The following GALNT10 variants were observed in gnomAD, a reference collection of about 807,000 sequenced individuals.
GALNT10 encodes GalNAc transferase 10.
Under a neutral mutation model 75.0 loss-of-function variants are expected in GALNT10, and 41 were observed. The observed-to-expected ratio is 0.55, with a 90% CI of 0.43 to 0.71. GALNT10 has a LOEUF of 0.71. Among genes scored for constraint, GALNT10 ranks in the 30% least tolerant of loss-of-function variants. The probability of loss-of-function intolerance (pLI) is 0.00; values close to 1 mark genes in which losing one functional copy is unlikely to be tolerated. For synonymous variants in GALNT10, 302 were observed against 313.0 expected, an observed-to-expected ratio of 0.96 and a Z score of 0.37; for missense variants, 727 against 818.5, an observed-to-expected ratio of 0.89 and a Z score of 1.36.
chr5:154,208,285 T>C (rs1775140451), intron 1 of GALNT10, among the ~76,000 whole-genome samples: 1 of 152,082 alleles, frequency 6.6e-6, no homozygotes, highest in Non-Finnish European at 1.5e-5. Context: ...ATGCATGCCA[T>C]AGGTGGAGTG....
Position 154,412,823 on chromosome 5 carries a change from TG to T in GALNT10, c.1387-64del. The T allele has an allele frequency of 9.3e-7, 1 of 1,074,070 alleles. No homozygotes were observed. The highest frequency in any genetic ancestry group is 1.4e-6 in the Non-Finnish European group (1 of 690,408). The allele number at this position is 1,074,070 out of a possible 1,614,324, so 66.5% of individuals were successfully genotyped here. On this transcript the variant is annotated intron_variant, in intron 9 of 11. Coordinates refer to ENST00000297107, the MANE Select transcript of GALNT10 (RefSeq NM_198321.4). This position sits in a 1 kb window ranked among gnomAD's most constrained non-coding sequence, Gnocchi z 4.2. ...CTCCCACTTGGTTTCCCCTTTCACC[TG>T]GCAGGGACCCGGTGGGCACCTTAAG...
Position 154,412,939 on chromosome 5 carries a change from G to C in GALNT10, c.1437G>C (p.Leu479Phe). 2 of 1,613,790 alleles carry C rather than the reference G, an allele frequency of 1.2e-6. No homozygotes were observed. The highest frequency in any genetic ancestry group is 1.7e-6 in the Non-Finnish European group (2 of 1,179,866). ...GLCADTKHGA[L>F]GSPLRLEGCV... ...GTGCAGACACAAAGCACGGGGCCTT[G>C]GGCTCCCCACTAAGGCTAGAGGGCT... The change falls in exon 10 of 12, where the codon TTG becomes TTC. Residue 479 changes from leucine (L) to phenylalanine (F), a missense_variant. Physicochemically the swap from Leu to Phe is conservative, Grantham distance 22. Transcript: ENST00000297107. The surrounding 1 kb of genome is among the most constrained non-coding windows in gnomAD (Gnocchi z 4.2).
chr5:154,359,728 C>T (rs1337605024), intron 4 of GALNT10, among the ~76,000 whole-genome samples: 1 of 151,426 alleles, frequency 6.6e-6, no homozygotes, highest in East Asian at 1.9e-4. Flanking sequence ...AAAAGTAGAG[C>T]TGGAGGCCTG....
intron 8 of GALNT10, chr5:154,405,984 A>G (rs1201605583): frequency 6.6e-6 from 1 of 151,808 alleles, no homozygotes; most frequent in Non-Finnish European, 1.5e-5. Context: ...CTGTAGTAAT[A>G]CTTATAAAAA....
At chr5:154,369,979 C>A (rs186286738) in intron 4 of GALNT10, among the ~76,000 whole-genome samples, 16 of 152,354 alleles carry the variant, frequency 1.1e-4, no homozygotes, top group Non-Finnish European at 1.5e-5. Flanking sequence ...AGTGCTGTTT[C>A]TGCAAGGCTC....
At chr5:154,413,860 C>A (rs1315101299) in intron 10 of GALNT10, among the ~76,000 whole-genome samples, 1 of 151,924 alleles carries the variant, frequency 6.6e-6, no homozygotes, top group East Asian at 1.9e-4. Flanking sequence ...AAAAGCAATC[C>A]ACAGATGGGA....
intron 1 of GALNT10, among the ~76,000 whole-genome samples, chr5:154,216,388 G>C (rs1271893127): frequency 1.3e-5 from 2 of 152,062 alleles, no homozygotes; most frequent in Non-Finnish European, 2.9e-5. Context: ...TTAAAAAAAT[G>C]TATCTACTTA....
intron 1 of GALNT10, among the ~76,000 whole-genome samples, chr5:154,293,613 A>ATATTTTTTTTTT: frequency 9.1e-6 from 1 of 109,360 alleles, no homozygotes; most frequent in Non-Finnish European, 1.9e-5. Flanking sequence ...ATATATATAT[A>ATATTTTTTTTTT]TTTTTTTTTT....
At chr5:154,354,831 T>C in intron 4 of GALNT10, among the ~76,000 whole-genome samples, 1 of 152,330 alleles carries the variant, frequency 6.6e-6, no homozygotes, top group Admixed American at 6.5e-5. Context: ...GTAGCTCTTA[T>C]AGCCCCAGGC....
chr5:154,306,037 A>C (rs1460981198), intron 3 of GALNT10, among the ~76,000 whole-genome samples: 1 of 152,136 alleles, frequency 6.6e-6, no homozygotes, highest in African/African-American at 2.4e-5. Flanking sequence ...CAACAACAAC[A>C]AACTATAAGG....
chr5:154,314,365 T>C (rs1162833937), intron 3 of GALNT10, among the ~76,000 whole-genome samples: 1 of 152,140 alleles, frequency 6.6e-6, no homozygotes, highest in Non-Finnish European at 1.5e-5. Context: ...ATTCTTACCC[T>C]TGGACCAAGG....
chr5:154,219,623 TAGTCCTCCAG>T (rs1284904464), intron 1 of GALNT10: 1 of 152,228 alleles, frequency 6.6e-6, no homozygotes, highest in Non-Finnish European at 1.5e-5. Flanking sequence ...GGTGCCACCT[TAGTCCTCCAG>T]ATTCAGCATT....
intron 1 of GALNT10, among the ~76,000 whole-genome samples, chr5:154,261,412 A>G (rs1422994493): frequency 6.6e-6 from 1 of 152,142 alleles, no homozygotes; most frequent in Admixed American, 6.6e-5. Flanking sequence ...TGTTACTCAA[A>G]CCCTAAGATC....
intron 1 of GALNT10, among the ~76,000 whole-genome samples, chr5:154,235,529 C>G (rs1753232349): frequency 6.6e-6 from 1 of 152,132 alleles, no homozygotes; most frequent in African/African-American, 2.4e-5. Context: ...TTCTCTGGAA[C>G]CCACGTGTGT....
chr5:154,401,593 G>A (rs1475243992), intron 7 of GALNT10, among the ~76,000 whole-genome samples: 4 of 152,160 alleles, frequency 2.6e-5, no homozygotes, highest in African/African-American at 9.7e-5. Context: ...CCAATGTTCT[G>A]TTCTATTGAC....
chr5:154,323,471 C>T (rs762896662), intron 3 of GALNT10, among the ~76,000 whole-genome samples: 4 of 152,074 alleles, frequency 2.6e-5, no homozygotes, highest in South Asian at 2.1e-4. Flanking sequence ...ATCCCTGGGA[C>T]GGAGTATCAG....
chr5:154,303,941 T>A (rs1296381173), intron 3 of GALNT10, among the ~76,000 whole-genome samples: 1 of 152,164 alleles, frequency 6.6e-6, no homozygotes, highest in Non-Finnish European at 1.5e-5. Flanking sequence ...GTATTTCATA[T>A]GTTTAAAAAG....
At chr5:154,315,317 T>G (rs778534211) in intron 3 of GALNT10, among the ~76,000 whole-genome samples, 1 of 152,194 alleles carries the variant, frequency 6.6e-6, no homozygotes, top group Non-Finnish European at 1.5e-5. Flanking sequence ...CTAGGTGGAA[T>G]GTGAGAAAGG....
chr5:154,340,927 T>C (rs1755023922), intron 4 of GALNT10, among the ~76,000 whole-genome samples: 1 of 152,226 alleles, frequency 6.6e-6, no homozygotes. Flanking sequence ...ATATATCATT[T>C]ATTTATTTCA....
Sources: gnomAD v4.1 joint callset for allele counts (sites outside exome capture counted in the v4.1 genomes callset) on GRCh38, gnomAD v4.1.1 for gene constraint, Gnocchi (gnomAD v3.1) non-coding constraint, MANE v1.5 for transcripts, NCBI Gene and HGNC (gene_info 2026-07-23, HGNC 2026-07-21) for gene names.